THNSL1: variants seen among roughly 807,000 people sequenced by gnomAD.
THNSL1 encodes the protein threonine synthase-like 1.
Under a neutral mutation model 50.4 loss-of-function variants are expected in THNSL1, and 48 were observed. The observed-to-expected ratio is 0.95, with a 90% CI of 0.76 to 1.21. THNSL1 has a LOEUF of 1.21. THNSL1 is among the 50% of genes most tolerant of loss of function. The pLI, the probability that THNSL1 is intolerant of heterozygous loss-of-function variation, is 0.00. For missense variants in THNSL1, 896 were observed against 871.7 expected, an observed-to-expected ratio of 1.03 and a Z score of -0.35; for synonymous variants, 309 against 306.1, an observed-to-expected ratio of 1.01 and a Z score of -0.10.
chr10:24,984,430 G>T, the THNSL1 span: 1 of 1,548,696 alleles, frequency 6.5e-7, no homozygotes. Flanking sequence ...TTATTTTTCA[G>T]GACCTAGAAA....
At chr10:24,994,633 T>C in the THNSL1 span, among the ~76,000 whole-genome samples, 1 of 152,158 alleles carries the variant, frequency 6.6e-6, no homozygotes, top group Non-Finnish European at 1.5e-5. Context: ...CCAGCCTGCA[T>C]TCATATTTTG....
the THNSL1 span, among the ~76,000 whole-genome samples, chr10:24,959,328 C>G: frequency 6.6e-6 from 1 of 152,094 alleles, no homozygotes. Context: ...TGGCAATATC[C>G]CAAGACATGA....
chr10:24,967,995 ATGTG>A, the THNSL1 span, among the ~76,000 whole-genome samples: 16,867 of 139,540 alleles, frequency 0.12, 1,006 homozygotes, highest in South Asian at 0.2. Flanking sequence ...TATGTGTATG[ATGTG>A]TGTGTGTGTG....
the THNSL1 span, among the ~76,000 whole-genome samples, chr10:25,004,009 T>C: frequency 1.3e-5 from 2 of 152,262 alleles, no homozygotes; most frequent in African/African-American, 4.8e-5. Flanking sequence ...TGTGGGACTC[T>C]GAACTCTGGA....
the THNSL1 span, among the ~76,000 whole-genome samples, chr10:24,998,419 G>C: frequency 1.4e-5 from 2 of 140,290 alleles, no homozygotes; most frequent in East Asian, 2.3e-4. Context: ...TTGTTGTCCA[G>C]GCTAGAAGGC....
the THNSL1 span, among the ~76,000 whole-genome samples, chr10:24,973,074 C>A: frequency 2.0e-5 from 3 of 152,132 alleles, no homozygotes; most frequent in African/African-American, 7.2e-5. Context: ...ATAGAACATT[C>A]ATTCTTAGCA....
chr10:25,014,014 G>C (rs1257312339), upstream of THNSL1, among the ~76,000 whole-genome samples: 1 of 152,066 alleles, frequency 6.6e-6, no homozygotes, highest in Non-Finnish European at 1.5e-5. Flanking sequence ...TATGCATCAT[G>C]AGTAACTCAA....
rs1850773024 is a variant in THNSL1, at chr10:25,023,773, G to C, written c.550G>C (p.Asp184His). The C allele has an allele frequency of 1.2e-6, 2 of 1,613,870 alleles. No individual in the cohort carries two copies. The highest frequency in any genetic ancestry group is 1.7e-6 in the Non-Finnish European group (2 of 1,179,996). ...VGQNSGTSMK[D>H]LLKFRRQYYK... is the part of the protein sequence containing the mutation. ...TCAGAATTCTGGAACATCTATGAAA[G>C]ACTTACTTAAATTTAGAAGACAGTA... is the stretch of plus-strand genomic sequence containing the variant. The change falls in exon 3 of 3, where the codon GAC becomes CAC. Residue 184 changes from aspartate (D) to histidine (H), a missense_variant. By Grantham distance (81) the Asp-to-His change is moderately conservative. Transcript: ENST00000376356.
At chr10:24,961,906 T>C in the THNSL1 span, among the ~76,000 whole-genome samples, 1 of 152,216 alleles carries the variant, frequency 6.6e-6, no homozygotes, top group African/African-American at 2.4e-5. Context: ...CTTTGCTTTA[T>C]TTTTCGTATC....
the THNSL1 span, among the ~76,000 whole-genome samples, chr10:24,970,708 G>A: frequency 6.7e-6 from 1 of 148,828 alleles, no homozygotes. Flanking sequence ...ATGAGATCCT[G>A]TCTCTATTAA....
the THNSL1 span, among the ~76,000 whole-genome samples, chr10:24,971,720 A>G: frequency 2.0e-5 from 3 of 152,142 alleles, no homozygotes; most frequent in East Asian, 3.9e-4. Context: ...TTTATCTTAC[A>G]ATGTGCTGTT....
the THNSL1 span, chr10:24,952,675 G>A: frequency 7.8e-6 from 7 of 892,462 alleles, no homozygotes; most frequent in African/African-American, 3.4e-5. The surrounding 1 kb of genome is among the most constrained non-coding windows in gnomAD (Gnocchi z 5.1). Context: ...GACGGGGACG[G>A]GGACGGGGAC....
At chr10:25,021,154 A>G (rs1356399788) in intron 1 of THNSL1, among the ~76,000 whole-genome samples, 3 of 152,184 alleles carry the variant, frequency 2.0e-5, no homozygotes, top group African/African-American at 7.2e-5. Flanking sequence ...TTTGGGTTCA[A>G]TTTATATATT....
chr10:24,959,842 T>G, the THNSL1 span, among the ~76,000 whole-genome samples: 1 of 152,250 alleles, frequency 6.6e-6, no homozygotes, highest in Non-Finnish European at 1.5e-5. Flanking sequence ...ATATTTTATA[T>G]ATAACACTGT....
the THNSL1 span, among the ~76,000 whole-genome samples, chr10:24,988,686 A>G: frequency 2.1e-3 from 35 of 16,934 alleles, 1 homozygote; most frequent in African/African-American, 6.4e-3. Context: ...ATATATATAT[A>G]TATATATATA....
At chr10:24,999,301 G>A in the THNSL1 span, 1 of 1,163,412 alleles carries the variant, frequency 8.6e-7, no homozygotes, top group Non-Finnish European at 1.2e-6. Flanking sequence ...AGGTAAAGCT[G>A]CTATCACCTG....
rs763463504 is a variant in THNSL1, at chr10:25,023,912, C to G, written c.689C>G (p.Thr230Arg). The G allele has an allele frequency of 1.2e-6, 2 of 1,614,054 alleles. No homozygotes were observed. Among genetic ancestry groups the G allele is most frequent in the Non-Finnish European group, 1.7e-6 (2 of 1,180,028 alleles). ...AGATACCAAGATGTGGACTCGGAAA[C>G]ATTCATTTCAACAAGACACGTTTGG... ...IKRYQDVDSE[T>R]FISTRHVWPE... Residue 230 changes from threonine (T) to arginine (R), a missense_variant, in exon 3 of 3, where the codon ACA becomes AGA. Coordinates refer to ENST00000376356, the MANE Select transcript of THNSL1 (RefSeq NM_024838.5).
At chr10:25,018,737 G>A (rs2132742660) in intron 1 of THNSL1, among the ~76,000 whole-genome samples, 2 of 137,820 alleles carry the variant, frequency 1.5e-5, no homozygotes, top group African/African-American at 5.2e-5. Context: ...GAGTATATAA[G>A]ACAATTGGAA....
upstream of THNSL1, among the ~76,000 whole-genome samples, chr10:25,012,457 T>C (rs1850469281): frequency 6.6e-6 from 1 of 152,178 alleles, no homozygotes; most frequent in Non-Finnish European, 1.5e-5. Flanking sequence ...GAATGGGGGC[T>C]GTACTGTGCC....
Sources: allele counts gnomAD v4.1 joint callset (sites outside exome capture counted in the v4.1 genomes callset), GRCh38; gene constraint gnomAD v4.1.1; non-coding constraint Gnocchi (gnomAD v3.1); transcripts MANE v1.5; gene names NCBI Gene and HGNC (gene_info 2026-07-23, HGNC 2026-07-21).